Variants in CCNQ observed in about 807,000 individuals in gnomAD.
CCNQ encodes the protein cyclin Q.
In CCNQ, 3 loss-of-function variants were observed where a neutral mutation model predicts 17.7. That is an observed-to-expected ratio of 0.17 (90% confidence interval 0.08 to 0.44). The LOEUF is 0.44. CCNQ is among the 20% of genes least tolerant of loss of function. CCNQ has a pLI of 0.99. For missense variants in CCNQ, 146 were observed against 222.6 expected (o/e 0.66, Z 2.19); for synonymous variants, 73 against 96.0 (o/e 0.76, Z 1.40).
intron 4 of CCNQ, among the ~76,000 whole-genome samples, chrX:153,588,817 G>A (rs1327454973): frequency 2.7e-5 from 3 of 112,968 alleles, no homozygotes; most frequent in East Asian, 2.8e-4. Flanking sequence ...CAAGAGGAGA[G>A]GGTGGCAGTC....
intron 4 of CCNQ, among the ~76,000 whole-genome samples, chrX:153,589,268 C>T (rs1465711045): frequency 5.3e-5 from 6 of 112,914 alleles, no homozygotes; most frequent in African/African-American, 9.6e-5. Flanking sequence ...CCACCTCCCA[C>T]GGAAACCCTG....
Position 153,588,063 on chromosome X carries a change from GC to G in CCNQ, c.*301del. 2.3e-6 allele frequency: 1 copy of G among 435,627 alleles called. No homozygotes were observed. The highest frequency in any genetic ancestry group is 4.1e-6 in the Non-Finnish European group (1 of 241,564). 35.9% of individuals were successfully genotyped at this position (435,627 alleles called of 1,213,427 possible). ...ATGACTTTCCTTTCATTGATGTCAT[GC>G]CTGTATTGTAGTCAAAGTCCTCTCA... On this transcript the variant is annotated 3_prime_UTR_variant, in exon 5 of 5. Coordinates refer to ENST00000576892, the MANE Select transcript of CCNQ (RefSeq NM_152274.5).
At chrX:153,597,275 C>A (rs2091034604) in intron 1 of CCNQ, 1 of 112,562 alleles carries the variant, frequency 8.9e-6, no homozygotes, top group Admixed American at 9.4e-5. Context: ...TGCAACAAAT[C>A]ACCACAAATT....
chrX:153,590,079 T>G (rs1165375050), intron 4 of CCNQ, among the ~76,000 whole-genome samples: 1 of 107,767 alleles, frequency 9.3e-6, no homozygotes, highest in African/African-American at 3.4e-5. Flanking sequence ...AATACAAAAA[T>G]TAGCCAGGTG....
intron 2 of CCNQ, among the ~76,000 whole-genome samples, chrX:153,595,692 GACT>G (rs2091022952): frequency 7.1e-5 from 8 of 112,325 alleles, no homozygotes; most frequent in African/African-American, 2.6e-4. Context: ...CCCTGTCTAA[GACT>G]TCCACAGAAT....
chrX:153,594,738 C>A (rs2091016047), intron 2 of CCNQ, 59 bp from the exon 3 acceptor site: 1 of 1,146,003 alleles, frequency 8.7e-7, no homozygotes, highest in Non-Finnish European at 1.2e-6. Context: ...CACTGGATGG[C>A]TCAAATTGCT....
intron 3 of CCNQ, among the ~76,000 whole-genome samples, chrX:153,593,945 G>A (rs781915548): frequency 4.4e-5 from 5 of 112,830 alleles, no homozygotes; most frequent in African/African-American, 6.4e-5. Context: ...CTCTGTCTCC[G>A]GCCAGCCTTC....
intron 4 of CCNQ, among the ~76,000 whole-genome samples, chrX:153,589,398 C>T (rs782255636): frequency 3.5e-5 from 4 of 113,116 alleles, no homozygotes; most frequent in Non-Finnish European, 5.6e-5. Flanking sequence ...CTGAAGCTCA[C>T]GCCTGGTCTC....
rs781908513 is a variant in CCNQ at position 153,595,488 on chromosome X, A to G, written c.296+516T>C. 4.4e-5 allele frequency among the ~76,000 whole-genome samples: 5 copies of G among 113,418 alleles called. No individual in the cohort carries two copies. In the Admixed American group the frequency reaches 4.6e-4, roughly 10 times the overall value. On this transcript the variant is annotated intron_variant, in intron 2 of 4. Transcript: ENST00000576892. Reference sequence around the variant, plus strand: ...AAAAGTGAACATTTCTCAGTTTTGTATTTCCCAGACCGTCTTTCCCTCGCC... The same window carrying G: ...AAAAGTGAACATTTCTCAGTTTTGTGTTTCCCAGACCGTCTTTCCCTCGCC...
At chrX:153,588,541 T>C in intron 4 of CCNQ, 87 bp from the exon 5 acceptor site, 1 of 713,629 alleles carries the variant, frequency 1.4e-6, no homozygotes, top group East Asian at 3.2e-5. Context: ...TCACATTTCA[T>C]GGGCAGGGGA....
intron 1 of CCNQ, 101 bp from the exon 2 acceptor site, chrX:153,596,288 C>T (rs2091028084): frequency 4.3e-6 from 4 of 927,339 alleles, no homozygotes; most frequent in African/African-American, 1.9e-5. Context: ...TACAACCCTA[C>T]TTGGACAAGG....
intron 3 of CCNQ, 99 bp from the exon 4 acceptor site, chrX:153,592,832 T>C (rs782688517): frequency 2.0e-4 from 167 of 815,738 alleles, no homozygotes; most frequent in Non-Finnish European, 2.9e-4. Context: ...GCAGCTTCCA[T>C]GTCCCTCAGG....
At chrX:153,592,439 A>G in intron 4 of CCNQ, 67 bp downstream of exon 4, 2 of 1,025,215 alleles carry the variant, frequency 2.0e-6, no homozygotes, top group South Asian at 2.0e-5. Context: ...GAATTTGGTG[A>G]GCACTGCAAT....
Position 153,594,654 on chromosome X carries a change from G to C in CCNQ, c.322C>G (p.Leu108Val). 1 of 1,211,621 alleles carries C rather than the reference G, an allele frequency of 8.3e-7. No homozygotes were observed. The highest frequency in any genetic ancestry group is 1.1e-6 in the Non-Finnish European group (1 of 895,386). Residue 108 changes from leucine (L) to valine (V), a missense_variant, in exon 3 of 5, where the codon CTG (leucine) becomes GTG (valine). Transcript: ENST00000576892. ...TCCCAGAAGCGGGAGTCCAATTCCA[G>C]GGGCTCACCGCTTGGGTTAAAGTAC... is the stretch of plus-strand genomic sequence containing the variant. ...NRYFNPSGEP[L>V]ELDSRFWELR... is the part of the protein sequence containing the mutation.
chrX:153,592,863 G>A (rs1452381453), intron 3 of CCNQ, 130 bp from the exon 4 acceptor site: 1 of 622,007 alleles, frequency 1.6e-6, no homozygotes, highest in Non-Finnish European at 2.6e-6. Flanking sequence ...AAGGCCTTCT[G>A]CTGGCCCCAT....
At chrX:153,590,253 A>AAAAAAAAAAAAAAAAAAAAAAAAC (rs2090982075) in intron 4 of CCNQ, among the ~76,000 whole-genome samples, 1 of 105,838 alleles carries the variant, frequency 9.4e-6, no homozygotes, top group Admixed American at 1.0e-4. Context: ...AAAAAAAAAA[A>AAAAAAAAAAAAAAAAAAAAAAAAC]AAAAGCAAGG....
intron 3 of CCNQ, among the ~76,000 whole-genome samples, chrX:153,593,648 G>A (rs1046002354): frequency 1.8e-5 from 2 of 112,418 alleles, no homozygotes; most frequent in South Asian, 3.7e-4. Flanking sequence ...AAGGCAACAC[G>A]AAGGGCCCAT....
chrX:153,590,295 T>C (rs1290053833), intron 4 of CCNQ, among the ~76,000 whole-genome samples: 2 of 96,630 alleles, frequency 2.1e-5, no homozygotes, highest in Non-Finnish European at 4.1e-5. Context: ...CATCCATCGA[T>C]GGATGAATAT....
chrX:153,589,086 G>C (rs1462408693), intron 4 of CCNQ, among the ~76,000 whole-genome samples: 1 of 113,002 alleles, frequency 8.8e-6, no homozygotes, highest in Non-Finnish European at 1.9e-5. Flanking sequence ...TAGGCCCCTA[G>C]AAAATCCTGC....
Sources: gnomAD v4.1 joint callset for allele counts (sites outside exome capture counted in the v4.1 genomes callset) on GRCh38, gnomAD v4.1.1 for gene constraint, MANE v1.5 for transcripts, NCBI Gene and HGNC (gene_info 2026-07-23, HGNC 2026-07-21) for gene names.